ATL3: variants seen among roughly 807,000 people sequenced by gnomAD.
The protein encoded by ATL3 is atlastin GTPase 3, also known as atlastin-3.
Under a neutral mutation model 69.5 loss-of-function variants are expected in ATL3, and 49 were observed. The observed-to-expected ratio is 0.71, with a 90% CI of 0.56 to 0.89. The LOEUF (loss-of-function observed/expected upper bound fraction) is 0.89. Ranked by LOEUF, ATL3 falls within the 40% of genes least tolerant of loss-of-function variation. The pLI, the probability that ATL3 is intolerant of heterozygous loss-of-function variation, is 0.00. For missense variants in ATL3, 606 were observed against 645.7 expected, an observed-to-expected ratio of 0.94 and a Z score of 0.67; for synonymous variants, 214 against 224.1, an observed-to-expected ratio of 0.95 and a Z score of 0.40.
upstream of ATL3, chr11:63,671,494 C>A (rs961054223): frequency 2.7e-6 from 4 of 1,455,838 alleles, no homozygotes; most frequent in African/African-American, 1.5e-5. Flanking sequence ...ACGGAGCGAG[C>A]GCAGCGCGGT....
Position 63,634,185 on chromosome 11 carries a change from T to A in ATL3, c.1036-1088A>T, listed in dbSNP as rs1228313943. ...AACACAGCTAGATCCTGTTTCTATT[T>A]AAAAAAAAAAAAAAAAAAGAAGAAG... On this transcript the variant is annotated intron_variant, in intron 10 of 12. Coordinates refer to ENST00000398868, the MANE Select transcript of ATL3 (RefSeq NM_015459.5). 4.2e-4 allele frequency among the ~76,000 whole-genome samples: 48 copies of A among 113,650 alleles called. 1 individual carries two copies. Among genetic ancestry groups the A allele is most frequent in the Admixed American group, 2.4e-3 (25 of 10,398 alleles). 74.6% of individuals were successfully genotyped at this position (113,650 alleles called of 152,430 possible). A position where few individuals can be genotyped will look rare whatever the true frequency, so the allele number is the denominator to read the frequency against.
At chr11:63,662,895 T>A (rs1450416026) in intron 1 of ATL3, among the ~76,000 whole-genome samples, 5 of 151,804 alleles carry the variant, frequency 3.3e-5, no homozygotes, top group Non-Finnish European at 7.4e-5. Context: ...AAAGTAGACT[T>A]AAGGAGACAT....
Position 63,651,966 on chromosome 11 carries a change from G to A in ATL3, c.531C>T (p.Asn177=). The A allele has an allele frequency of 1.2e-6, 2 of 1,601,786 alleles. No individual in the cohort carries two copies. Among genetic ancestry groups the A allele is most frequent in the Non-Finnish European group, 1.7e-6 (2 of 1,176,368 alleles). ...SSVQIYNLSQ[N]IQEDDLQQLQ... ...GCTGTTGAAGATCATCTTCTTGAAT[G>A]TTCTGAGATAAATTATAAATCTAGA... The change falls in exon 5 of 13, where the codon AAC becomes AAT. Residue 177 remains asparagine (N), a synonymous_variant. Coordinates refer to ENST00000398868, the MANE Select transcript of ATL3 (RefSeq NM_015459.5).
intron 5 of ATL3, among the ~76,000 whole-genome samples, chr11:63,647,642 A>G (rs1269866889): frequency 4.6e-5 from 7 of 152,254 alleles, no homozygotes; most frequent in Non-Finnish European, 1.0e-4. Context: ...CAGCAGCAAG[A>G]AAAGTATTAG....
intron 1 of ATL3, 31 bp downstream of exon 1, chr11:63,671,259 C>G (rs552990152): frequency 2.6e-5 from 40 of 1,559,680 alleles, no homozygotes; most frequent in South Asian, 5.8e-5. Context: ...GGGGTGGCCG[C>G]GGGGCGATCC....
chr11:63,652,040 C>A, intron 4 of ATL3, 54 bp from the exon 5 acceptor site: 1 of 1,568,738 alleles, frequency 6.4e-7, no homozygotes, highest in Middle Eastern at 1.8e-4. Context: ...AAACAAATCC[C>A]AAATAAGCCT....
chr11:63,643,914 G>A (rs926068310), intron 7 of ATL3, among the ~76,000 whole-genome samples: 1 of 152,136 alleles, frequency 6.6e-6, no homozygotes, highest in African/African-American at 2.4e-5. Flanking sequence ...TATAGAACTT[G>A]GTTTAAAATG....
chr11:63,650,491 G>A (rs549613632), intron 5 of ATL3: 1 of 152,102 alleles, frequency 6.6e-6, no homozygotes, highest in East Asian at 1.9e-4. Flanking sequence ...TAATTTTCTA[G>A]TTCATTCTTA....
chr11:63,663,792 T>A (rs908390890), intron 1 of ATL3, among the ~76,000 whole-genome samples: 3 of 152,206 alleles, frequency 2.0e-5, no homozygotes, highest in Non-Finnish European at 4.4e-5. Flanking sequence ...AATTTCTCCC[T>A]CCTGCTATAT....
At chr11:63,631,561 G>A in intron 11 of ATL3, 90 bp from the exon 12 acceptor site, 1 of 1,144,298 alleles carries the variant, frequency 8.7e-7, no homozygotes, top group Non-Finnish European at 1.2e-6. Context: ...GGATTAGAAT[G>A]TTTTAAGATG....
chr11:63,629,801 A>C (rs1327712201), intron 12 of ATL3, among the ~76,000 whole-genome samples: 1 of 152,164 alleles, frequency 6.6e-6, no homozygotes, highest in Non-Finnish European at 1.5e-5. Context: ...AGGTGGGAGG[A>C]TCACTTGAGC....
At chr11:63,640,164 G>T (rs1330775941) in intron 8 of ATL3, among the ~76,000 whole-genome samples, 2 of 152,164 alleles carry the variant, frequency 1.3e-5, no homozygotes, top group African/African-American at 4.8e-5. Flanking sequence ...CCGACCTCAG[G>T]TGATCTGCCT....
chr11:63,657,857 C>G (rs1375137453), intron 3 of ATL3, among the ~76,000 whole-genome samples: 3 of 136,522 alleles, frequency 2.2e-5, no homozygotes, highest in Admixed American at 1.5e-4. Context: ...ATGCCATTGG[C>G]TTTTTTTTTT....
chr11:63,643,129 G>A (rs1939752655), intron 8 of ATL3, among the ~76,000 whole-genome samples: 1 of 152,138 alleles, frequency 6.6e-6, no homozygotes, highest in Admixed American at 6.5e-5. Flanking sequence ...AGTCTCTTTA[G>A]AAAGACTACT....
chr11:63,632,326 T>A, intron 11 of ATL3: 1 of 817,382 alleles, frequency 1.2e-6, no homozygotes, highest in East Asian at 2.4e-5. Flanking sequence ...TGTTGTCATG[T>A]GTTCTGGACC....
chr11:63,660,826 G>T (rs1176994630), intron 1 of ATL3, among the ~76,000 whole-genome samples: 1 of 151,904 alleles, frequency 6.6e-6, no homozygotes, highest in Non-Finnish European at 1.5e-5. Context: ...GTTTGCCACT[G>T]CTAAGCTTTA....
rs1939082306 is a variant in ATL3 at position 63,625,607 on chromosome 11, G to T, written c.*3712C>A. On this transcript the variant is annotated 3_prime_UTR_variant, in exon 13 of 13. Transcript: ENST00000398868. ...ACAAGCCAAGTAGAACACTGTGTGT[G>T]ATCCACTAATGAAACCAACCACCAG... The T allele has an allele frequency of 6.6e-6, 1 of 152,174 alleles. No individual in the cohort carries two copies. Among genetic ancestry groups the T allele is most frequent in the African/African-American group, 2.4e-5 (1 of 41,414 alleles). The allele number at this position is 152,174 out of a possible 1,614,324, so 9.4% of individuals were successfully genotyped here.
At chr11:63,648,891 G>A (rs1939978524) in intron 5 of ATL3, among the ~76,000 whole-genome samples, 1 of 152,012 alleles carries the variant, frequency 6.6e-6, no homozygotes, top group South Asian at 2.1e-4. Context: ...GCTGAGGCAG[G>A]CAGATCATTT....
intron 12 of ATL3, 40 bp from the exon 13 acceptor site, chr11:63,629,445 T>C (rs762587378): frequency 2.6e-6 from 4 of 1,534,082 alleles, no homozygotes; most frequent in Non-Finnish European, 9.0e-7. Flanking sequence ...GTTAATAAAA[T>C]ACAACACAGC....
Sources: gnomAD v4.1 joint callset for allele counts (sites outside exome capture counted in the v4.1 genomes callset) on GRCh38, gnomAD v4.1.1 for gene constraint, MANE v1.5 for transcripts, NCBI Gene and HGNC (gene_info 2026-07-23, HGNC 2026-07-21) for gene names.